The following DCDC2 variants were observed in gnomAD, a reference collection of about 807,000 sequenced individuals.
DCDC2 encodes doublecortin domain containing 2.
Under a neutral mutation model 50.2 loss-of-function variants are expected in DCDC2, and 40 were observed. That is an observed-to-expected ratio of 0.80 (90% CI 0.62 to 1.04). DCDC2 has a LOEUF of 1.04. DCDC2 is among the 50% of genes least tolerant of loss of function. DCDC2 has a pLI of 0.00. For missense variants in DCDC2, 570 were observed against 581.9 expected, an observed-to-expected ratio of 0.98 and a Z score of 0.21; for synonymous variants, 234 against 210.6, an observed-to-expected ratio of 1.11 and a Z score of -0.96.
rs1334956276 is a variant in DCDC2, at chr6:24,326,345, C to A, written c.349-24301G>T. 6.1e-5 allele frequency among the ~76,000 whole-genome samples: 9 copies of A among 148,432 alleles called. 1 individual carries two copies. The highest frequency in any genetic ancestry group is 1.5e-5 in the Non-Finnish European group (1 of 66,864). ...GTCTCCATTTTTAGAATACACCAAC[C>A]AATAGAAGGACCCCCCCATGCCCTA... On this transcript the variant is annotated intron_variant, in intron 2 of 9. Transcript: ENST00000378454.
chr6:24,374,546 T>G, the DCDC2 span, among the ~76,000 whole-genome samples: 1,004 of 117,660 alleles, frequency 8.5e-3, 15 homozygotes, highest in African/African-American at 0.031. Flanking sequence ...GCCACTGCAC[T>G]CCAGCCTGGG....
chr6:24,183,792 C>T (rs1166648801), intron 8 of DCDC2, among the ~76,000 whole-genome samples: 1 of 152,044 alleles, frequency 6.6e-6, no homozygotes, highest in Non-Finnish European at 1.5e-5. Context: ...GCACAATAGG[C>T]AGGAAAGATG....
chr6:24,235,452 A>G (rs968530842), intron 7 of DCDC2, among the ~76,000 whole-genome samples: 10 of 152,246 alleles, frequency 6.6e-5, no homozygotes, highest in African/African-American at 2.4e-4. Context: ...ATTCACCACA[A>G]TCAAGTAGGC....
intron 2 of DCDC2, among the ~76,000 whole-genome samples, chr6:24,328,803 G>A (rs1260922375): frequency 6.6e-6 from 1 of 152,056 alleles, no homozygotes; most frequent in Admixed American, 6.5e-5. Context: ...ATTACTACAG[G>A]TTACTACAGT....
chr6:24,284,707 CTT>C (rs1763556322), intron 6 of DCDC2, among the ~76,000 whole-genome samples: 1 of 151,950 alleles, frequency 6.6e-6, no homozygotes, highest in Non-Finnish European at 1.5e-5. Flanking sequence ...AATCCAAACT[CTT>C]TGCATGCCTA....
At position 24,179,025 on chromosome 6, in the gene DCDC2, T is replaced by C. The variant is rs535831143; in HGVS notation, c.1024-393A>G. Among the ~76,000 whole-genome samples the C allele has an allele frequency of 1.8e-4, 27 of 151,848 alleles. No homozygotes were observed. In the South Asian group the frequency reaches 4.4e-3, roughly 25 times the overall value. On this transcript the variant is annotated intron_variant, in intron 8 of 9. Transcript: ENST00000378454. ...CTTGGCCACTGTCTAGTGAAGCACC[T>C]GGCCCAGAGGAAGAGGTTTAAAAAA...
Position 24,321,012 on chromosome 6 carries a change from G to A in DCDC2, c.349-18968C>T, listed in dbSNP as rs1293553417. 4.0e-5 allele frequency among the ~76,000 whole-genome samples: 6 copies of A among 149,240 alleles called. No individual in the cohort carries two copies. The East Asian group carries it at 1.2e-3, about 29-fold the overall frequency. Reference sequence around the variant, plus strand: ...ACTGGAAAGACACAAAAGCCAACTTGAAAGAGTTCTCAGTGGCCAAATCAA... The same window carrying A: ...ACTGGAAAGACACAAAAGCCAACTTAAAAGAGTTCTCAGTGGCCAAATCAA... On this transcript the variant is annotated intron_variant, in intron 2 of 9. Transcript: ENST00000378454.
the DCDC2 span, among the ~76,000 whole-genome samples, chr6:24,370,411 A>T: frequency 6.6e-6 from 1 of 152,184 alleles, no homozygotes; most frequent in Non-Finnish European, 1.5e-5. Context: ...AATTAAAAAC[A>T]TATGTTCACA....
intron 8 of DCDC2, among the ~76,000 whole-genome samples, chr6:24,188,570 TC>T: frequency 6.6e-6 from 1 of 152,318 alleles, no homozygotes; most frequent in East Asian, 1.9e-4. Flanking sequence ...TATTTTATGC[TC>T]AAAGTCTTCA....
intron 2 of DCDC2, among the ~76,000 whole-genome samples, chr6:24,318,054 C>T (rs1759704779): frequency 6.6e-6 from 1 of 151,838 alleles, no homozygotes; most frequent in Admixed American, 6.6e-5. Context: ...GATAGGAACA[C>T]GAATTGGCAC....
chr6:24,239,976 A>T (rs957054120), intron 7 of DCDC2, among the ~76,000 whole-genome samples: 2 of 152,186 alleles, frequency 1.3e-5, no homozygotes, highest in Non-Finnish European at 2.9e-5. Context: ...TATCACACCA[A>T]TCCAAGCTGG....
At chr6:24,372,491 C>T in the DCDC2 span, among the ~76,000 whole-genome samples, 2 of 151,828 alleles carry the variant, frequency 1.3e-5, no homozygotes, top group Non-Finnish European at 2.9e-5. Flanking sequence ...GCACTATTCA[C>T]AATAGCAAAG....
chr6:24,300,123 C>T (rs147554573), intron 4 of DCDC2, among the ~76,000 whole-genome samples: 15 of 152,022 alleles, frequency 9.9e-5, no homozygotes, highest in African/African-American at 3.6e-4. Context: ...GGTACAGTGG[C>T]TCACACCTGT....
intron 2 of DCDC2, among the ~76,000 whole-genome samples, chr6:24,344,945 G>C (rs1042044025): frequency 4.0e-5 from 6 of 151,808 alleles, no homozygotes; most frequent in Non-Finnish European, 8.8e-5. Flanking sequence ...TTTGGGGAGG[G>C]GCTTCAATAT....
chr6:24,187,059 T>C (rs1163062297), intron 8 of DCDC2, among the ~76,000 whole-genome samples: 1 of 152,118 alleles, frequency 6.6e-6, no homozygotes, highest in East Asian at 1.9e-4. Flanking sequence ...ATGGCAGCCC[T>C]AGCAAACTAA....
At chr6:24,189,133 T>C (rs1201134286) in intron 8 of DCDC2, among the ~76,000 whole-genome samples, 1 of 152,172 alleles carries the variant, frequency 6.6e-6, no homozygotes, top group Non-Finnish European at 1.5e-5. Context: ...TGAGTTTGCC[T>C]CCATGTGTAT....
chr6:24,222,508 GA>G (rs752139082), intron 7 of DCDC2, among the ~76,000 whole-genome samples: 16 of 152,288 alleles, frequency 1.1e-4, no homozygotes, highest in Middle Eastern at 3.4e-3. Context: ...TTTAATACCT[GA>G]TTATATCAGA....
Position 24,174,793 on chromosome 6 carries a change from T to A in DCDC2, c.1368A>T (p.Lys456Asn), listed in dbSNP as rs9460973. 78,618 of 1,613,154 alleles carry A rather than the reference T, an allele frequency of 0.049. 8,576 individuals are homozygous for A. Among genetic ancestry groups the A allele is most frequent in the African/African-American group, 0.45 (33,429 of 74,800 alleles). Reference sequence around the variant, plus strand: ...TTTCATTTTCTTCTGGACTGGTAATTTTTACTTCTGGCCTTGGTGGTCTTT... The same window carrying A: ...TTTCATTTTCTTCTGGACTGGTAATATTTACTTCTGGCCTTGGTGGTCTTT... ...DPQRPPRPEV[K>N]ITSPEENENN... The change falls in exon 10 of 10, where the codon AAA becomes AAT. Residue 456 changes from lysine to asparagine, a missense_variant. Lys to Asn is a moderately conservative substitution (Grantham distance 94). Coordinates refer to ENST00000378454, the MANE Select transcript of DCDC2 (RefSeq NM_016356.5).
intron 2 of DCDC2, among the ~76,000 whole-genome samples, chr6:24,312,849 C>T (rs1213627754): frequency 6.6e-6 from 1 of 152,142 alleles, no homozygotes; most frequent in Non-Finnish European, 1.5e-5. Context: ...AGATGATATG[C>T]TATTCAAAAC....
Sources: allele counts gnomAD v4.1 joint callset (sites outside exome capture counted in the v4.1 genomes callset), GRCh38; gene constraint gnomAD v4.1.1; transcripts MANE v1.5; gene names NCBI Gene and HGNC (gene_info 2026-07-23, HGNC 2026-07-21).